Variants in ASAH1 observed in about 807,000 individuals in gnomAD.
The protein encoded by ASAH1 is N-acylsphingosine amidohydrolase 1.
In ASAH1, 70 loss-of-function variants were observed where a neutral mutation model predicts 59.5. That is an observed-to-expected ratio of 1.18 (90% confidence interval 0.97 to 1.43). The LOEUF (loss-of-function observed/expected upper bound fraction) is 1.43. Among genes scored for constraint, ASAH1 ranks in the 40% most tolerant of loss-of-function variants. ASAH1 has a pLI of 0.00. For missense variants in ASAH1, 660 were observed against 482.5 expected, an observed-to-expected ratio of 1.37 and a Z score of -3.45; for synonymous variants, 213 against 166.5, an observed-to-expected ratio of 1.28 and a Z score of -2.15.
At chr8:18,075,816 T>C (rs1257828632) in intron 1 of ASAH1, 2 of 566,226 alleles carry the variant, frequency 3.5e-6, no homozygotes, top group African/African-American at 1.9e-5. Context: ...CTAGGTGTTA[T>C]AATTTGGCTC....
chr8:18,067,435 C>G (rs762598043), intron 4 of ASAH1, 137 bp from the exon 5 acceptor site: 1 of 415,750 alleles, frequency 2.4e-6, no homozygotes, highest in Non-Finnish European at 3.9e-6. Context: ...ATACTGCTAT[C>G]ATAATAAGTG....
upstream of ASAH1, chr8:18,084,599 G>C (rs1222208716): frequency 3.1e-6 from 5 of 1,596,858 alleles, no homozygotes; most frequent in East Asian, 4.5e-5. Flanking sequence ...CGGAGTCAGG[G>C]ACAAGGAGCA....
chr8:18,068,865 C>T (rs954567889), intron 4 of ASAH1, among the ~76,000 whole-genome samples: 1 of 152,190 alleles, frequency 6.6e-6, no homozygotes, highest in African/African-American at 2.4e-5. Flanking sequence ...GCGGTTCACA[C>T]CTACGATCCC....
At chr8:18,072,993 G>T (rs1004331856) in intron 2 of ASAH1, among the ~76,000 whole-genome samples, 1 of 152,086 alleles carries the variant, frequency 6.6e-6, no homozygotes, top group Non-Finnish European at 1.5e-5. Context: ...TCAGAGACGC[G>T]ATGAGAGGGG....
At chr8:18,063,599 G>GT (rs1799803529) in intron 6 of ASAH1, 1 of 209,394 alleles carries the variant, frequency 4.8e-6, no homozygotes, top group Admixed American at 5.6e-5. Context: ...CATTACAGGT[G>GT]TAAGCCACTG....
Position 18,059,655 on chromosome 8 carries a change from T to C in ASAH1, c.834A>G (p.Pro278=), listed in dbSNP as rs1381695954. 1 of 1,614,262 alleles carries C rather than the reference T, an allele frequency of 6.2e-7. No homozygotes were observed. Among genetic ancestry groups the C allele is most frequent in the East Asian group, 2.2e-5 (1 of 44,890 alleles). Residue 278 remains proline, a synonymous_variant, in exon 11 of 14, where the codon CCA becomes CCG. Transcript: ENST00000637790. ...NLLTKTKILA[P]AYFILGGNQS... is the part of the protein sequence containing the mutation. Reference sequence around the variant, plus strand: ...GGTTGCCTCCCAGGATAAAGTAGGCTGGGGCCAATATCTTGGTCTTGGTCA... The same window carrying C: ...GGTTGCCTCCCAGGATAAAGTAGGCCGGGGCCAATATCTTGGTCTTGGTCA...
intron 10 of ASAH1, 107 bp from the exon 11 acceptor site, chr8:18,059,810 C>G: frequency 8.4e-7 from 1 of 1,186,714 alleles, no homozygotes; most frequent in Non-Finnish European, 1.2e-6. Context: ...ATGTGCTGAA[C>G]GTGCAGGTTT....
chr8:18,061,400 T>C lies in ASAH1; in HGVS notation c.762A>G (p.Arg254=), dbSNP rs1311051871. 2 of 1,612,582 alleles carry C rather than the reference T, an allele frequency of 1.2e-6. No homozygotes were observed. The highest frequency in any genetic ancestry group is 1.6e-4 in the Middle Eastern group (1 of 6,084). ...ACCTTGTGCTATTTTCCAGAACTGTTCTAGTGAGGAACCCTATCCACATGA... is the reference window on the plus strand; with the variant it reads ...ACCTTGTGCTATTTTCCAGAACTGTCCTAGTGAGGAACCCTATCCACATGA... ...KDVMWIGFLT[R]TVLENSTSYE... The change falls in exon 10 of 14, where the codon AGA becomes AGG. Residue 254 remains arginine, a synonymous_variant. Transcript: ENST00000637790.
intron 1 of ASAH1, among the ~76,000 whole-genome samples, chr8:18,077,219 C>T (rs1161844599): frequency 1.3e-5 from 2 of 152,120 alleles, no homozygotes; most frequent in African/African-American, 4.8e-5. Context: ...TTTATATTGC[C>T]GGTTCAATAA....
intron 2 of ASAH1, among the ~76,000 whole-genome samples, chr8:18,074,104 C>G (rs1012784401): frequency 1.3e-5 from 2 of 152,098 alleles, no homozygotes; most frequent in African/African-American, 2.4e-5. Flanking sequence ...TAAAGTGCAC[C>G]TAAAAGGGAG....
chr8:18,080,379 C>T (rs1005982061), intron 1 of ASAH1, among the ~76,000 whole-genome samples: 1 of 152,160 alleles, frequency 6.6e-6, no homozygotes, highest in Non-Finnish European at 1.5e-5. Flanking sequence ...AGTTCCTTTC[C>T]TGCCAATCAC....
chr8:18,073,378 A>C, intron 2 of ASAH1: 1 of 1,117,550 alleles, frequency 8.9e-7, no homozygotes, highest in East Asian at 2.6e-5. Flanking sequence ...CAAACAAGAA[A>C]TATCATTTCA....
Position 18,062,344 on chromosome 8 carries a change from T to G in ASAH1, c.583A>C (p.Asn195His), listed in dbSNP as rs1432291927. 6.2e-7 allele frequency: 1 copy of G among 1,614,222 alleles called. No individual in the cohort carries two copies. Among genetic ancestry groups the G allele is most frequent in the East Asian group, 2.2e-5 (1 of 44,880 alleles). ...LTVNLDFQRN[N>H]KTVFKASSFA... ...CTTGAAGCCTTGAAGACAGTTTTGT[T>G]GTTTCTTTGGAAATCCAAATTCACT... Residue 195 changes from asparagine (N) to histidine (H), a missense_variant, in exon 8 of 14, where the codon AAC becomes CAC. Physicochemically the swap from Asn to His is moderately conservative, Grantham distance 68 (BLOSUM62 1). Transcript: ENST00000637790.
chr8:18,063,551 T>C (rs1799801668), intron 6 of ASAH1: 3 of 264,120 alleles, frequency 1.1e-5, no homozygotes. Context: ...ACTCCCAACC[T>C]CAGATGATTC....
At chr8:18,067,103 ACC>A in intron 5 of ASAH1, 115 bp downstream of exon 5, 2 of 1,158,356 alleles carry the variant, frequency 1.7e-6, no homozygotes, top group East Asian at 2.6e-5. Context: ...AGACCTGTGC[ACC>A]TGTGCTGTAT....
At chr8:18,061,109 AT>A in intron 10 of ASAH1, 18 of 340,684 alleles carry the variant, frequency 5.3e-5, no homozygotes, top group East Asian at 6.7e-5. Flanking sequence ...TGTGTGGGTC[AT>A]TTTTTTTCTG....
At chr8:18,064,050 G>T (rs1013578784) in intron 6 of ASAH1, 1 of 299,164 alleles carries the variant, frequency 3.3e-6, no homozygotes, top group Non-Finnish European at 6.2e-6. Flanking sequence ...GTATCCATTG[G>T]GTTGCCTGGC....
chr8:18,076,841 A>G (rs1800423248), intron 1 of ASAH1, among the ~76,000 whole-genome samples: 1 of 152,208 alleles, frequency 6.6e-6, no homozygotes, highest in African/African-American at 2.4e-5. Flanking sequence ...TAACATGGGG[A>G]ATATATAAAG....
At chr8:18,072,444 T>A (rs1248510264) in intron 2 of ASAH1, among the ~76,000 whole-genome samples, 1 of 152,200 alleles carries the variant, frequency 6.6e-6, no homozygotes, top group African/African-American at 2.4e-5. Flanking sequence ...CTTGGGGCCC[T>A]GGTATATGTA....
Sources: gnomAD v4.1 joint callset for allele counts (sites outside exome capture counted in the v4.1 genomes callset) on GRCh38, gnomAD v4.1.1 for gene constraint, MANE v1.5 for transcripts, NCBI Gene and HGNC (gene_info 2026-07-23, HGNC 2026-07-21) for gene names.